The following RUNDC3B variants were observed in gnomAD, a reference collection of about 807,000 sequenced individuals.
The protein encoded by RUNDC3B is RUN domain containing 3B.
RUNDC3B carries 33 observed loss-of-function variants against 58.4 expected under a neutral mutation model. The observed-to-expected ratio is 0.56, with a 90% CI of 0.43 to 0.75. The LOEUF (loss-of-function observed/expected upper bound fraction) is 0.75. Ranked by LOEUF, RUNDC3B falls within the 30% of genes least tolerant of loss-of-function variation. The probability of loss-of-function intolerance (pLI) is 0.00; values close to 1 mark genes in which losing one functional copy is unlikely to be tolerated. For synonymous variants in RUNDC3B, 193 were observed against 195.2 expected, an observed-to-expected ratio of 0.99 and a Z score of 0.10; for missense variants, 501 against 535.7, an observed-to-expected ratio of 0.94 and a Z score of 0.64.
rs1009563181 is a variant in RUNDC3B, at chr7:87,793,484, A to G, written c.957-13889A>G. 3.9e-5 allele frequency among the ~76,000 whole-genome samples: 6 copies of G among 152,270 alleles called. No homozygotes were observed. The East Asian group carries it at 7.7e-4, about 20-fold the overall frequency. On this transcript the variant is annotated intron_variant, in intron 8 of 10. Transcript: ENST00000394654. ...CTAAAAATATCATTCATCATGACCA[A>G]GTGGGATTTATCTCAGGGATATAAG...
At chr7:87,723,964 G>A (rs567090292) in intron 4 of RUNDC3B, among the ~76,000 whole-genome samples, 2 of 152,332 alleles carry the variant, frequency 1.3e-5, no homozygotes, top group East Asian at 3.9e-4. Flanking sequence ...GCTCACGCCT[G>A]TAATTCCAGC....
chr7:87,633,841 T>C (rs947646252), intron 1 of RUNDC3B, among the ~76,000 whole-genome samples: 2 of 152,154 alleles, frequency 1.3e-5, no homozygotes, highest in Non-Finnish European at 2.9e-5. Flanking sequence ...AATGACAGTA[T>C]AATCTGTCTT....
chr7:87,667,341 C>T (rs1207223804), intron 2 of RUNDC3B, among the ~76,000 whole-genome samples: 1 of 150,886 alleles, frequency 6.6e-6, no homozygotes, highest in Non-Finnish European at 1.5e-5. Context: ...GATTTTGTAT[C>T]CTGCAACTTT....
intron 8 of RUNDC3B, among the ~76,000 whole-genome samples, chr7:87,781,471 T>C (rs1834917711): frequency 6.6e-6 from 1 of 152,086 alleles, no homozygotes; most frequent in South Asian, 2.1e-4. Context: ...TTGGATGCTT[T>C]TTATTTCTTT....
intron 2 of RUNDC3B, among the ~76,000 whole-genome samples, chr7:87,659,942 A>G (rs1824520629): frequency 6.6e-6 from 1 of 152,158 alleles, no homozygotes; most frequent in Non-Finnish European, 1.5e-5. Flanking sequence ...TCACCTAAAT[A>G]TTCTTAGGAT....
chr7:87,684,746 C>CAAAAAAAAAAAAAAAAAAAAAAAAA (rs71524694), intron 2 of RUNDC3B, among the ~76,000 whole-genome samples: 1 of 37,784 alleles, frequency 2.6e-5, no homozygotes, highest in Non-Finnish European at 4.0e-5. Context: ...GACTCCGTCT[C>CAAAAAAAAAAAAAAAAAAAAAAAAA]AAAAAAAAAA....
chr7:87,752,088 T>C (rs1443128726), intron 6 of RUNDC3B, among the ~76,000 whole-genome samples: 4 of 152,270 alleles, frequency 2.6e-5, no homozygotes, highest in South Asian at 2.1e-4. Context: ...GCATGAAGCG[T>C]TGTTGAATTT....
At chr7:87,631,622 T>C (rs1180611413) in intron 1 of RUNDC3B, among the ~76,000 whole-genome samples, 1 of 152,206 alleles carries the variant, frequency 6.6e-6, no homozygotes, top group Non-Finnish European at 1.5e-5. Flanking sequence ...CTCGATCTGC[T>C]GACCTCGTGA....
chr7:87,630,687 T>C (rs547121589), intron 1 of RUNDC3B, among the ~76,000 whole-genome samples: 5 of 150,212 alleles, frequency 3.3e-5, no homozygotes, highest in South Asian at 4.2e-4. Flanking sequence ...TTTTGCTTAG[T>C]CTTTTTTTTT....
intron 1 of RUNDC3B, among the ~76,000 whole-genome samples, chr7:87,632,745 A>G (rs907465238): frequency 6.6e-6 from 1 of 152,206 alleles, no homozygotes; most frequent in Non-Finnish European, 1.5e-5. Context: ...AAAACCTTAT[A>G]TAGTCCTTTG....
At chr7:87,705,895 A>C (rs1283029112) in intron 3 of RUNDC3B, among the ~76,000 whole-genome samples, 2 of 152,182 alleles carry the variant, frequency 1.3e-5, no homozygotes, top group Non-Finnish European at 2.9e-5. Flanking sequence ...AACTGATTTC[A>C]AGTTCAAGAA....
intron 4 of RUNDC3B, among the ~76,000 whole-genome samples, chr7:87,732,374 A>G (rs1163197403): frequency 1.3e-5 from 2 of 152,280 alleles, no homozygotes; most frequent in East Asian, 3.9e-4. Flanking sequence ...GTAAACCCAA[A>G]ATCAGTAAAG....
intron 1 of RUNDC3B, among the ~76,000 whole-genome samples, chr7:87,641,850 T>G (rs1033317346): frequency 6.6e-6 from 1 of 152,184 alleles, no homozygotes; most frequent in Non-Finnish European, 1.5e-5. Context: ...CCTCCAAAGA[T>G]TCATATTTAA....
chr7:87,795,911 A>G (rs1168900103), intron 8 of RUNDC3B, among the ~76,000 whole-genome samples: 2 of 152,072 alleles, frequency 1.3e-5, no homozygotes, highest in Admixed American at 1.3e-4. Context: ...AATAAATAAA[A>G]ATAAATAATG....
At chr7:87,713,202 A>G (rs1583971484) in intron 4 of RUNDC3B, 1 of 152,316 alleles carries the variant, frequency 6.6e-6, no homozygotes, top group Admixed American at 6.5e-5. Context: ...TCCTAGGAGA[A>G]TGAGAAATGA....
chr7:87,691,151 G>T (rs1432779430), intron 2 of RUNDC3B, among the ~76,000 whole-genome samples: 1 of 152,028 alleles, frequency 6.6e-6, no homozygotes, highest in African/African-American at 2.4e-5. Context: ...GTCTTATCAA[G>T]GAAAATTTAT....
In RUNDC3B at chr7:87,770,656, G is replaced by C; in HGVS notation, c.705G>C (p.Glu235Asp). The change falls in exon 7 of 11, where the codon GAG becomes GAC. Residue 235 changes from glutamate to aspartate, a missense_variant. Transcript: ENST00000394654. The part of the protein sequence containing the change: ...GSSGSESSTP[E>D]NVGPPFLMDE... ...GTGGTAGCGAAAGCAGTACTCCAGA[G>C]AATGTCGGACCTCCTTTCCTCATGG... 1 of 1,613,458 alleles carries C rather than the reference G, an allele frequency of 6.2e-7. No individual in the cohort carries two copies. The highest frequency in any genetic ancestry group is 2.2e-5 in the East Asian group (1 of 44,868).
At chr7:87,793,662 GT>G (rs1013373143) in intron 8 of RUNDC3B, among the ~76,000 whole-genome samples, 1 of 151,684 alleles carries the variant, frequency 6.6e-6, no homozygotes, top group Non-Finnish European at 1.5e-5. Context: ...AAAAAACTGA[GT>G]TTTTTTTGAG....
chr7:87,764,783 C>T (rs544872273), intron 6 of RUNDC3B, among the ~76,000 whole-genome samples: 161 of 151,940 alleles, frequency 1.1e-3, no homozygotes, highest in African/African-American at 3.7e-3. Flanking sequence ...ACCACATTTT[C>T]TTTATTCAGT....
Sources: allele counts gnomAD v4.1 joint callset (sites outside exome capture counted in the v4.1 genomes callset), GRCh38; gene constraint gnomAD v4.1.1; transcripts MANE v1.5; gene names NCBI Gene and HGNC (gene_info 2026-07-23, HGNC 2026-07-21).